The following CLTCL1 variants were observed in gnomAD, a reference collection of about 807,000 sequenced individuals.
CLTCL1 encodes the protein clathrin heavy chain like 1.
In CLTCL1, 159 loss-of-function variants were observed where a neutral mutation model predicts 190.0. The ratio of observed to expected loss-of-function variants is 0.84; its 90% confidence interval spans 0.74 to 0.95. CLTCL1 has a LOEUF of 0.95. Among genes scored for constraint, CLTCL1 ranks in the 40% least tolerant of loss-of-function variants. CLTCL1 has a pLI of 0.00. For missense variants in CLTCL1, 1,878 were observed against 2,033.4 expected (o/e 0.92, Z 1.47); for synonymous variants, 752 against 769.6 (o/e 0.98, Z 0.38).
intron 18 of CLTCL1, among the ~76,000 whole-genome samples, chr22:19,217,783 G>A (rs2085436146): frequency 6.6e-6 from 1 of 151,446 alleles, no homozygotes; most frequent in Non-Finnish European, 1.5e-5. Flanking sequence ...GGGAAGTGGA[G>A]GTTGCAGTGA....
intron 1 of CLTCL1, among the ~76,000 whole-genome samples, chr22:19,289,650 AAAC>A (rs1275172887): frequency 1.3e-5 from 2 of 151,982 alleles, no homozygotes; most frequent in Admixed American, 6.5e-5. Context: ...AAACAGGAAG[AAAC>A]AACAAGACAG....
chr22:19,200,438 T>A (rs2084846313), intron 23 of CLTCL1, among the ~76,000 whole-genome samples: 1 of 152,240 alleles, frequency 6.6e-6, no homozygotes, highest in Admixed American at 6.5e-5. Context: ...TGGAATTACA[T>A]CATACATTCT....
rs1555971333 is a variant in CLTCL1, at chr22:19,254,044, T to A, written c.434A>T (p.His145Leu). ...CACCTGGCAGCCCACCAGACTGGTA[T>A]GTCTATCAAACATCTTCATGGGCTG... The part of the protein sequence containing the change: ...DSQPMKMFDR[H>L]TSLVGCQVIH... The change falls in exon 3 of 33, where the codon CAT becomes CTT. Residue 145 changes from histidine (H) to leucine (L), a missense_variant. Transcript: ENST00000427926. 2 of 1,612,252 alleles carry A rather than the reference T, an allele frequency of 1.2e-6. No individual in the cohort carries two copies. Among genetic ancestry groups the A allele is most frequent in the Admixed American group, 3.4e-5 (2 of 59,684 alleles).
intron 13 of CLTCL1, among the ~76,000 whole-genome samples, chr22:19,224,800 G>A (rs782729629): frequency 1.3e-5 from 2 of 152,128 alleles, no homozygotes; most frequent in Non-Finnish European, 2.9e-5. Context: ...CTGAGGACAG[G>A]GTCATGTCCC....
At chr22:19,243,537 T>C (rs2086320236) in intron 3 of CLTCL1, among the ~76,000 whole-genome samples, 1 of 151,950 alleles carries the variant, frequency 6.6e-6, no homozygotes, top group African/African-American at 2.4e-5. Context: ...GGGGATTGCT[T>C]GGGCCAAGAA....
At position 19,201,472 on chromosome 22, in the gene CLTCL1, C is replaced by T. The variant is rs1555939462; in HGVS notation, c.3622G>A (p.Glu1208Lys). ...AGCTTGGCAGCCTCGTACATTCCCT[C>T]CTCGTAACAGCGGTCTCCAACCTAC... ...IQQVGDRCYE[E>K]GMYEAAKLLY... The change falls in exon 23 of 33, where the codon GAG becomes AAG. Residue 1208 changes from glutamate (E) to lysine (K), a missense_variant. By Grantham distance (56) the Glu-to-Lys change is moderately conservative. Transcript: ENST00000427926. 2 of 1,613,652 alleles carry T rather than the reference C, an allele frequency of 1.2e-6. No individual in the cohort carries two copies. Among genetic ancestry groups the T allele is most frequent in the African/African-American group, 1.3e-5 (1 of 75,054 alleles).
At chr22:19,219,454 G>C (rs569501871) in intron 18 of CLTCL1, among the ~76,000 whole-genome samples, 6 of 149,514 alleles carry the variant, frequency 4.0e-5, no homozygotes, top group South Asian at 4.2e-4. Flanking sequence ...CAAAGTGCTA[G>C]GATTACAGGC....
chr22:19,246,342 G>A (rs2086418353), intron 3 of CLTCL1, among the ~76,000 whole-genome samples: 1 of 152,116 alleles, frequency 6.6e-6, no homozygotes, highest in Non-Finnish European at 1.5e-5. Flanking sequence ...TTACAGGTGT[G>A]AGCCACCACG....
At chr22:19,239,931 A>G (rs1017503325) in intron 4 of CLTCL1, among the ~76,000 whole-genome samples, 24 of 149,604 alleles carry the variant, frequency 1.6e-4, no homozygotes, top group African/African-American at 5.4e-4. Context: ...TGCCTTCCCT[A>G]TAACTTTCTT....
At chr22:19,272,907 G>T (rs1198307886) in intron 2 of CLTCL1, among the ~76,000 whole-genome samples, 1 of 152,170 alleles carries the variant, frequency 6.6e-6, no homozygotes, top group Non-Finnish European at 1.5e-5. Context: ...GCCTCCCAAA[G>T]CACTGGGATT....
chr22:19,209,313 C>T (rs1372043234), intron 20 of CLTCL1, 199 bp from the exon 21 acceptor site: 21 of 481,520 alleles, frequency 4.4e-5, no homozygotes, highest in Non-Finnish European at 6.9e-5. Context: ...AGGGGGATGC[C>T]GAACAAAGAA....
chr22:19,183,277 G>C, intron 30 of CLTCL1, 113 bp downstream of exon 30: 1 of 851,832 alleles, frequency 1.2e-6, no homozygotes, highest in South Asian at 1.7e-5. Context: ...GCTGGCTGGG[G>C]AATCTGGGTT....
In CLTCL1 at chr22:19,196,777, G is replaced by A. The variant is rs2084723465; in HGVS notation, c.3874-121C>T. 3.2e-5 allele frequency: 37 copies of A among 1,155,438 alleles called. No individual in the cohort carries two copies. The South Asian group carries it at 5.7e-4, about 18-fold the overall frequency. The allele number at this position is 1,155,438 out of a possible 1,614,324, so 71.6% of individuals were successfully genotyped here. ...ACTGGGAATGATCCCGAGGAGGCAT[G>A]TGTGAAGAAAACGTGTATACATACT... On this transcript the variant is annotated intron_variant, in intron 24 of 32. Coordinates refer to ENST00000427926, the MANE Select transcript of CLTCL1 (RefSeq NM_007098.4).
intron 22 of CLTCL1, among the ~76,000 whole-genome samples, chr22:19,205,281 G>A (rs909296540): frequency 1.1e-4 from 16 of 152,124 alleles, no homozygotes; most frequent in African/African-American, 3.1e-4. Flanking sequence ...AGGCTGAGGC[G>A]GGTGGATGGT....
chr22:19,235,629 G>C, intron 6 of CLTCL1, 67 bp downstream of exon 6: 2 of 1,473,304 alleles, frequency 1.4e-6, no homozygotes, highest in South Asian at 1.3e-5. Context: ...CTAGAGAAGG[G>C]GGAAAGTTTA....
intron 26 of CLTCL1, among the ~76,000 whole-genome samples, chr22:19,193,939 C>A (rs544524536): frequency 6.6e-6 from 1 of 152,304 alleles, no homozygotes; most frequent in African/African-American, 2.4e-5. Context: ...GAACAAAGCT[C>A]CCACAACATG....
chr22:19,221,547 G>A lies in CLTCL1; in HGVS notation c.2626C>T (p.His876Tyr). The change falls in exon 17 of 33, where the codon CAC becomes TAC. Residue 876 changes from histidine to tyrosine, a missense_variant. By Grantham distance (83) the His-to-Tyr change is moderately conservative. Coordinates refer to ENST00000427926, the MANE Select transcript of CLTCL1 (RefSeq NM_007098.4). Reference sequence around the variant, plus strand: ...ATGTAGATTTTAGCCAGTGCATTGTGAGTGGCAGGCTCCTCACAGCCTTCC... The same window carrying A: ...ATGTAGATTTTAGCCAGTGCATTGTAAGTGGCAGGCTCCTCACAGCCTTCC... Reference protein sequence around the residue: ...IQEGCEEPATHNALAKIYIDS... With the variant: ...IQEGCEEPATYNALAKIYIDS... The A allele has an allele frequency of 1.2e-6, 2 of 1,605,360 alleles. No individual in the cohort carries two copies. The highest frequency in any genetic ancestry group is 2.2e-5 in the East Asian group (1 of 44,666).
chr22:19,235,186 CT>C (rs1287448955), intron 6 of CLTCL1, among the ~76,000 whole-genome samples: 2 of 150,374 alleles, frequency 1.3e-5, no homozygotes, highest in Non-Finnish European at 3.0e-5. Context: ...TTTTTTTCCC[CT>C]GAGACAGGCT....
intron 26 of CLTCL1, among the ~76,000 whole-genome samples, chr22:19,192,337 T>A (rs1400477677): frequency 6.6e-6 from 1 of 152,184 alleles, no homozygotes; most frequent in Non-Finnish European, 1.5e-5. Flanking sequence ...AGTGCTGGGA[T>A]TACAGGCGTG....
Sources: allele counts gnomAD v4.1 joint callset (sites outside exome capture counted in the v4.1 genomes callset), GRCh38; gene constraint gnomAD v4.1.1; transcripts MANE v1.5; gene names NCBI Gene and HGNC (gene_info 2026-07-23, HGNC 2026-07-21).